PMFBP1: variants seen among roughly 807,000 people sequenced by gnomAD.
The protein encoded by PMFBP1 is polyamine-modulated factor 1-binding protein 1.
Under a neutral mutation model 137.8 loss-of-function variants are expected in PMFBP1, and 131 were observed. The observed-to-expected ratio is 0.95, with a 90% CI of 0.82 to 1.10. The LOEUF (loss-of-function observed/expected upper bound fraction) is 1.10, where lower values mean the gene tolerates loss of function less well. Ranked by LOEUF, PMFBP1 falls within the 50% of genes least tolerant of loss-of-function variation. The pLI, the probability that PMFBP1 is intolerant of heterozygous loss-of-function variation, is 0.00. For synonymous variants in PMFBP1, 490 were observed against 450.4 expected (o/e 1.09, Z -1.11); for missense variants, 1,199 against 1,175.4 (o/e 1.02, Z -0.29).
At chr16:72,166,734 A>G (rs189901646) in intron 2 of PMFBP1, among the ~76,000 whole-genome samples, 11 of 152,334 alleles carry the variant, frequency 7.2e-5, no homozygotes, top group African/African-American at 2.6e-4. Context: ...ATTGGTGTCA[A>G]TGAAAGCTGG....
the PMFBP1 span, among the ~76,000 whole-genome samples, chr16:72,226,217 G>T: frequency 6.6e-6 from 1 of 152,172 alleles, no homozygotes; most frequent in South Asian, 2.1e-4. Flanking sequence ...GAATTCTTTG[G>T]TTACTAGATT....
At chr16:72,138,314 T>C (rs1433124213) in intron 7 of PMFBP1, among the ~76,000 whole-genome samples, 2 of 152,146 alleles carry the variant, frequency 1.3e-5, no homozygotes, top group Non-Finnish European at 2.9e-5. Flanking sequence ...TGACATGTGT[T>C]GTTTACTCCC....
the PMFBP1 span, among the ~76,000 whole-genome samples, chr16:72,223,076 C>T: frequency 6.6e-6 from 1 of 152,164 alleles, no homozygotes; most frequent in African/African-American, 2.4e-5. Context: ...CCAGGCTGTG[C>T]ATGGGAGTGG....
At position 72,154,419 on chromosome 16, in the gene PMFBP1, T is replaced by C. The variant is rs556815891; in HGVS notation, c.206A>G (p.Glu69Gly). The C allele has an allele frequency of 9.3e-6, 15 of 1,614,154 alleles. No homozygotes were observed. The East Asian group carries it at 3.1e-4, about 34-fold the overall frequency. The part of the protein sequence containing the change: ...QAQALAFEES[E>G]VEFGSSKQCH... ...CTGTTTACTGGACCCAAATTCCACC[T>C]CTGACTCCTCGAATGCTAATGCCTG... Residue 69 changes from glutamate (E) to glycine (G), a missense_variant, in exon 4 of 21, where the codon GAG (glutamate) becomes GGG (glycine). By Grantham distance (98) the Glu-to-Gly change is moderately conservative. Coordinates refer to ENST00000237353, the MANE Select transcript of PMFBP1 (RefSeq NM_031293.3).
At chr16:72,213,967 C>G in the PMFBP1 span, among the ~76,000 whole-genome samples, 1 of 152,014 alleles carries the variant, frequency 6.6e-6, no homozygotes, top group South Asian at 2.1e-4. Context: ...ATAACTGAAA[C>G]AAGGAGTGAT....
chr16:72,219,659 A>G, the PMFBP1 span, among the ~76,000 whole-genome samples: 1 of 152,182 alleles, frequency 6.6e-6, no homozygotes. Context: ...TGGAGGTGGG[A>G]CACCCAGATG....
the PMFBP1 span, among the ~76,000 whole-genome samples, chr16:72,245,146 T>A: frequency 1.3e-5 from 2 of 152,168 alleles, no homozygotes; most frequent in East Asian, 3.8e-4. Context: ...GGGGGGGATC[T>A]CAGGGATTAT....
chr16:72,175,295 A>G (rs1016022387), upstream of PMFBP1, among the ~76,000 whole-genome samples: 1 of 152,212 alleles, frequency 6.6e-6, no homozygotes, highest in Non-Finnish European at 1.5e-5. Flanking sequence ...TAACTCAAAC[A>G]GTCTTTGTGT....
intron 9 of PMFBP1, among the ~76,000 whole-genome samples, chr16:72,135,277 G>A (rs1427610874): frequency 2.6e-5 from 4 of 151,896 alleles, no homozygotes; most frequent in Non-Finnish European, 4.4e-5. Flanking sequence ...CCGGCTTCAA[G>A]CCATTCTCCT....
chr16:72,240,173 G>A, the PMFBP1 span, among the ~76,000 whole-genome samples: 4 of 152,264 alleles, frequency 2.6e-5, no homozygotes, highest in African/African-American at 7.2e-5. Context: ...AGACTGTGGC[G>A]CAGAGAACAA....
the PMFBP1 span, among the ~76,000 whole-genome samples, chr16:72,206,986 G>A: frequency 7.9e-5 from 12 of 152,096 alleles, no homozygotes; most frequent in Admixed American, 5.2e-4. Flanking sequence ...GGAAGGCAGC[G>A]CTGTGGCTCC....
the PMFBP1 span, among the ~76,000 whole-genome samples, chr16:72,240,670 C>T: frequency 6.6e-6 from 1 of 152,218 alleles, no homozygotes; most frequent in Non-Finnish European, 1.5e-5. Context: ...GGGAAGACAG[C>T]ATGCTGTGGC....
At chr16:72,139,441 A>G (rs373154519) in intron 6 of PMFBP1, 42 bp from the exon 7 acceptor site, 54 of 1,401,884 alleles carry the variant, frequency 3.9e-5, no homozygotes, top group Non-Finnish European at 5.2e-5. Context: ...TGATCAATGG[A>G]ACGTGCTTGT....
intron 19 of PMFBP1, among the ~76,000 whole-genome samples, chr16:72,122,589 C>T (rs1358016954): frequency 6.6e-6 from 1 of 152,236 alleles, no homozygotes; most frequent in East Asian, 1.9e-4. Flanking sequence ...TAGAGCATCT[C>T]AGCCCCTGCC....
chr16:72,125,668 G>T (rs1169210845), intron 15 of PMFBP1, among the ~76,000 whole-genome samples: 1 of 152,158 alleles, frequency 6.6e-6, no homozygotes, highest in Non-Finnish European at 1.5e-5. Flanking sequence ...AGCACAGGAT[G>T]GGGCATGAAT....
At chr16:72,163,569 T>G (rs1385474493) in intron 3 of PMFBP1, among the ~76,000 whole-genome samples, 3 of 152,108 alleles carry the variant, frequency 2.0e-5, no homozygotes, top group Admixed American at 2.0e-4. Flanking sequence ...GAGGGTCAAG[T>G]AGTAGTTGAT....
upstream of PMFBP1, among the ~76,000 whole-genome samples, chr16:72,180,934 G>A (rs778684987): frequency 3.7e-4 from 56 of 152,288 alleles, no homozygotes; most frequent in Admixed American, 7.8e-4. Flanking sequence ...ATTTGGGTGT[G>A]CCTTTTTTAA....
At chr16:72,197,943 A>G in the PMFBP1 span, among the ~76,000 whole-genome samples, 27 of 152,218 alleles carry the variant, frequency 1.8e-4, no homozygotes, top group Admixed American at 1.6e-3. Flanking sequence ...CCCATGGGAC[A>G]TTTTTTGTTT....
At chr16:72,164,080 G>T (rs1282763807) in intron 3 of PMFBP1, among the ~76,000 whole-genome samples, 3 of 151,826 alleles carry the variant, frequency 2.0e-5, no homozygotes, top group African/African-American at 7.3e-5. Context: ...AAAAAAAAAA[G>T]GTGTGTCATC....
Sources: gnomAD v4.1 joint callset for allele counts (sites outside exome capture counted in the v4.1 genomes callset) on GRCh38, gnomAD v4.1.1 for gene constraint, MANE v1.5 for transcripts, NCBI Gene and HGNC (gene_info 2026-07-23, HGNC 2026-07-21) for gene names.